Variants in RSRP1 observed in about 807,000 individuals in gnomAD.
RSRP1 encodes arginine/serine-rich protein 1.
A neutral mutation model predicts 33.0 loss-of-function variants in RSRP1; 37 were observed. That is an observed-to-expected ratio of 1.12 (90% CI 0.86 to 1.48). RSRP1 has a LOEUF of 1.48. Among genes scored for constraint, RSRP1 ranks in the 40% most tolerant of loss-of-function variants. RSRP1 has a pLI of 0.00. For synonymous variants in RSRP1, 167 were observed against 158.7 expected (o/e 1.05, Z -0.40); for missense variants, 402 against 385.3 (o/e 1.04, Z -0.36).
rs1030886791 is a variant in RSRP1 at position 25,306,434 on chromosome 1, C to T, written c.-67+31544G>A. 3.8e-5 allele frequency among the ~76,000 whole-genome samples: 5 copies of T among 131,802 alleles called. 2 individuals are homozygous for T. Among genetic ancestry groups the T allele is most frequent in the African/African-American group, 1.3e-4 (5 of 38,226 alleles). 86.5% of individuals were successfully genotyped at this position (131,802 alleles called of 152,430 possible). A position where few individuals can be genotyped will look rare whatever the true frequency, so the allele number is the denominator to read the frequency against. The stretch of plus-strand genomic sequence containing the variant: ...CAGCTCTTCATTTCAACAAACTCCC[C>T]GATGATGTGAGTGCACATTCAAGTC... On this transcript the variant is annotated intron_variant, in intron 1 of 1. Transcript: ENST00000561867.
At chr1:25,287,740 G>A (rs1432204692) in intron 1 of RSRP1, among the ~76,000 whole-genome samples, 2 of 135,304 alleles carry the variant, frequency 1.5e-5, no homozygotes, top group Non-Finnish European at 3.5e-5. Context: ...TATTTTTTTA[G>A]AGACAGGGTC....
chr1:25,242,551 G>A lies in RSRP1; in HGVS notation c.*38C>T, dbSNP rs201589314. ...TAGAAACACTAACTTGCAATAAAGT[G>A]CAGTTTTCATGCAAACTTAGCCATC... On this transcript the variant is annotated 3_prime_UTR_variant, in exon 5 of 5. Transcript: ENST00000243189. 7.2e-6 allele frequency: 9 copies of A among 1,249,130 alleles called. No individual in the cohort carries two copies. The highest frequency in any genetic ancestry group is 1.0e-5 in the Non-Finnish European group (9 of 861,934). The allele number at this position is 1,249,130 out of a possible 1,614,324, so 77.4% of individuals were successfully genotyped here. A position where few individuals can be genotyped will look rare whatever the true frequency, so the allele number is the denominator to read the frequency against.
intron 1 of RSRP1, among the ~76,000 whole-genome samples, chr1:25,313,287 T>C (rs1257451714): frequency 2.3e-5 from 3 of 132,092 alleles, no homozygotes; most frequent in East Asian, 2.0e-4. Context: ...CAGCAGCATG[T>C]TCTTGGACTT....
intron 1 of RSRP1, among the ~76,000 whole-genome samples, chr1:25,282,042 T>C (rs1641528662): frequency 7.6e-6 from 1 of 131,890 alleles, no homozygotes; most frequent in Non-Finnish European, 1.8e-5. Flanking sequence ...ATTGTCATGA[T>C]GATGTTGATG....
chr1:25,247,162 C>G, intron 1 of RSRP1, 133 bp from the exon 2 acceptor site: 2 of 545,230 alleles, frequency 3.7e-6, no homozygotes, highest in South Asian at 3.4e-5. Flanking sequence ...GGAACCGAGC[C>G]CTAGAAACCC....
At chr1:25,259,836 T>C (rs1640073571) in intron 1 of RSRP1, among the ~76,000 whole-genome samples, 1 of 152,102 alleles carries the variant, frequency 6.6e-6, no homozygotes, top group African/African-American at 2.4e-5. Context: ...ATTTGGCGTT[T>C]TGAAGAATTA....
chr1:25,261,080 G>C (rs887061397), intron 1 of RSRP1, among the ~76,000 whole-genome samples: 51 of 151,832 alleles, frequency 3.4e-4, no homozygotes, highest in Non-Finnish European at 6.9e-4. Context: ...GATTACAGGC[G>C]TGAGCCACCG....
At chr1:25,297,900 A>C (rs1571654178) in intron 1 of RSRP1, among the ~76,000 whole-genome samples, 1 of 131,746 alleles carries the variant, frequency 7.6e-6, no homozygotes, top group East Asian at 1.9e-4. Context: ...TCAGGAGGGC[A>C]CTAGAACTGG....
chr1:25,305,010 C>T (rs1356256443), intron 1 of RSRP1, among the ~76,000 whole-genome samples: 2 of 132,602 alleles, frequency 1.5e-5, no homozygotes, highest in Non-Finnish European at 3.6e-5. Flanking sequence ...CGTTTTAACA[C>T]TCATCTTGCT....
intron 1 of RSRP1, among the ~76,000 whole-genome samples, chr1:25,278,353 G>A (rs1233901290): frequency 7.7e-6 from 1 of 130,260 alleles, no homozygotes; most frequent in Non-Finnish European, 1.8e-5. Flanking sequence ...GATATGCTTA[G>A]GGGAAGCAGA....
intron 1 of RSRP1, among the ~76,000 whole-genome samples, chr1:25,281,215 AGT>A (rs1264300459): frequency 1.5e-5 from 2 of 131,056 alleles, no homozygotes; most frequent in African/African-American, 5.3e-5. Context: ...GGGGCCTGGT[AGT>A]TAGTTCACTG....
At chr1:25,287,410 C>T (rs1006301922) in intron 1 of RSRP1, among the ~76,000 whole-genome samples, 6 of 135,410 alleles carry the variant, frequency 4.4e-5, no homozygotes, top group Admixed American at 7.1e-5. Flanking sequence ...TCCCCTGCCC[C>T]ACCCCTGACT....
At chr1:25,309,552 G>T (rs1644029758) in intron 1 of RSRP1, among the ~76,000 whole-genome samples, 1 of 131,632 alleles carries the variant, frequency 7.6e-6, no homozygotes, top group African/African-American at 2.6e-5. Context: ...GTAAAAATAA[G>T]TCTATTTGGA....
At position 25,305,884 on chromosome 1, in the gene RSRP1, G is replaced by A. The variant is rs1464196102; in HGVS notation, c.-67+32094C>T. 6.8e-5 allele frequency among the ~76,000 whole-genome samples: 9 copies of A among 131,454 alleles called. 3 individuals carry two copies. The highest frequency in any genetic ancestry group is 3.0e-4 in the Admixed American group (4 of 13,528). The allele number at this position is 131,454 out of a possible 152,430, so 86.2% of individuals were successfully genotyped here. ...CCCAAAGTGCTGGGATTACAGGCAT[G>A]AGCCACCGTGCCCAACCTGGATTTT... On this transcript the variant is annotated intron_variant, in intron 1 of 1. Transcript: ENST00000561867.
intron 2 of RSRP1, 93 bp downstream of exon 2, chr1:25,246,351 A>G: frequency 1.3e-6 from 2 of 1,526,528 alleles, no homozygotes; most frequent in Non-Finnish European, 1.8e-6. Flanking sequence ...AAAGGAACTA[A>G]TATTGAAACT....
rs1316112169 is a variant in RSRP1, at chr1:25,315,112, C to T, written c.-67+22866G>A. Among the ~76,000 whole-genome samples, 28 of 128,604 alleles carry T rather than the reference C, an allele frequency of 2.2e-4. 5 individuals are homozygous for T. Among genetic ancestry groups the T allele is most frequent in the African/African-American group, 6.6e-4 (25 of 37,716 alleles). 84.4% of individuals were successfully genotyped at this position (128,604 alleles called of 152,430 possible). On this transcript the variant is annotated intron_variant, in intron 1 of 1. Transcript: ENST00000561867. ...TCAGCTACTCGGGAGGCTGAGATCA[C>T]GCCACTGCACTCCAGCCTGGTGACA... is the stretch of plus-strand genomic sequence containing the variant.
At position 25,294,239 on chromosome 1, in the gene RSRP1, G is replaced by A. The variant is rs1300115496; in HGVS notation, c.-67+43739C>T. 5 of 863,630 alleles carry A rather than the reference G, an allele frequency of 5.8e-6. 1 individual carries two copies. In the South Asian group the frequency reaches 6.7e-5, roughly 12 times the overall value. 53.5% of individuals were successfully genotyped at this position (863,630 alleles called of 1,614,324 possible). On this transcript the variant is annotated intron_variant, in intron 1 of 1. Transcript: ENST00000561867. ...AGTTGAAATAGCAAAGCCCAGCAAA[G>A]GTTAAAGCTGAAAATGCCAAAAGCC...
rs1400691295 is a variant in RSRP1 at position 25,275,500 on chromosome 1, G to A, written c.-66-28471C>T. Among the ~76,000 whole-genome samples the A allele has an allele frequency of 9.1e-5, 12 of 131,272 alleles. 1 individual carries two copies. The highest frequency in any genetic ancestry group is 2.9e-4 in the African/African-American group (11 of 38,510). 86.1% of individuals were successfully genotyped at this position (131,272 alleles called of 152,430 possible). On this transcript the variant is annotated intron_variant, in intron 1 of 1. Transcript: ENST00000561867. ...GAGACACCAGACCAGCGTGGAGGCTGTAGTGTAGTATTGACCTGAGGACTT... is the reference window on the plus strand; with the variant it reads ...GAGACACCAGACCAGCGTGGAGGCTATAGTGTAGTATTGACCTGAGGACTT...
rs529827242 is a variant in RSRP1 at position 25,254,769 on chromosome 1, G to T, written c.-66-7740C>A. On this transcript the variant is annotated intron_variant, in intron 1 of 1. Coordinates refer to the RSRP1 transcript ENST00000561867. ...GTATCACATCATTCAGCTTTGGGGG[G>T]TGTCTACTGAAACCAGGGCAAGCAA... 4.6e-5 allele frequency among the ~76,000 whole-genome samples: 7 copies of T among 152,218 alleles called. No individual in the cohort carries two copies. In the South Asian group the frequency reaches 1.5e-3, roughly 32 times the overall value.
Sources: allele counts gnomAD v4.1 joint callset (sites outside exome capture counted in the v4.1 genomes callset), GRCh38; gene constraint gnomAD v4.1.1; transcripts MANE v1.5; gene names NCBI Gene and HGNC (gene_info 2026-07-23, HGNC 2026-07-21).